WNT7B: variants seen among roughly 807,000 people sequenced by gnomAD.
WNT7B encodes the protein protein Wnt-7b.
WNT7B carries 19 observed loss-of-function variants against 38.2 expected under a neutral mutation model. That is an observed-to-expected ratio of 0.50 (90% CI 0.35 to 0.73). WNT7B has a LOEUF of 0.73. Among genes scored for constraint, WNT7B ranks in the 30% least tolerant of loss-of-function variants. The probability of loss-of-function intolerance (pLI) is 0.01; values close to 1 mark genes in which losing one functional copy is unlikely to be tolerated. For synonymous variants in WNT7B, 243 were observed against 209.3 expected, an observed-to-expected ratio of 1.16 and a Z score of -1.39; for missense variants, 423 against 507.9, an observed-to-expected ratio of 0.83 and a Z score of 1.61.
At chr22:45,938,845 T>C (rs79008793) in intron 2 of WNT7B, among the ~76,000 whole-genome samples, 1,832 of 152,330 alleles carry the variant, frequency 0.012, 51 homozygotes, top group African/African-American at 0.042. Context: ...TTGTTACACA[T>C]TGTATACATG....
intron 2 of WNT7B, among the ~76,000 whole-genome samples, chr22:45,941,509 CAA>C (rs1166391533): frequency 0.04 from 3,186 of 79,236 alleles, 132 homozygotes; most frequent in African/African-American, 0.11. Flanking sequence ...GCCTTTGTCT[CAA>C]AAAAAAAAAA....
intron 1 of WNT7B, among the ~76,000 whole-genome samples, chr22:45,973,777 C>G (rs35051352): frequency 0.57 from 87,166 of 152,062 alleles, 25,189 homozygotes; most frequent in East Asian, 0.69. Context: ...CCCCTAAGGG[C>G]ATTGTGAGGG....
chr22:45,931,347 C>G lies in WNT7B; in HGVS notation c.321G>C (p.Thr107=), dbSNP rs138303600. 8.2e-6 allele frequency: 13 copies of G among 1,592,046 alleles called. No individual in the cohort carries two copies. Among genetic ancestry groups the G allele is most frequent in the Non-Finnish European group, 1.0e-5 (12 of 1,175,268 alleles). Residue 107 remains threonine, a synonymous_variant, in exon 3 of 4, where the codon ACG becomes ACC. Coordinates refer to ENST00000339464, the MANE Select transcript of WNT7B (RefSeq NM_058238.3). ...LRVGSREAAF[T]YAITAAGVAH... ...CCACGCCAGCCGCGGTGATGGCGTA[C>G]GTGAAGGCAGCCTCACGGCTCCCTG...
rs529009201 is a variant in WNT7B, at chr22:45,945,170, A to G, written c.298+4750T>C. 3.3e-5 allele frequency among the ~76,000 whole-genome samples: 5 copies of G among 151,950 alleles called. No individual in the cohort carries two copies. The South Asian group carries it at 1.0e-3, about 32-fold the overall frequency. ...GTGATCTTGGCTCACTGCAACCTCC[A>G]CCACCCGGGTTCAAGTGATTCTCCT... On this transcript the variant is annotated intron_variant, in intron 2 of 3. Coordinates refer to ENST00000339464, the MANE Select transcript of WNT7B (RefSeq NM_058238.3).
intron 1 of WNT7B, among the ~76,000 whole-genome samples, chr22:45,956,962 T>C (rs1449353274): frequency 1.3e-5 from 2 of 152,014 alleles, no homozygotes; most frequent in Non-Finnish European, 2.9e-5. Flanking sequence ...AAAAATTAGC[T>C]GGGCGTGGTG....
intron 3 of WNT7B, among the ~76,000 whole-genome samples, chr22:45,929,685 C>CATCT (rs796446452): frequency 8.9e-6 from 1 of 111,830 alleles, no homozygotes; most frequent in Non-Finnish European, 1.9e-5. Flanking sequence ...TCCCTCCATA[C>CATCT]TTCCATCCAC....
Position 45,977,011 on chromosome 22 carries a change from C to A in WNT7B, c.-257G>T. On this transcript the variant is annotated 5_prime_UTR_variant, in exon 1 of 4. Coordinates refer to ENST00000339464, the MANE Select transcript of WNT7B (RefSeq NM_058238.3). ...GCGACCTCGAAGCCCGGTTGAGCGA[C>A]CGTGGACCCCTGCAAGCGCGGGCCG... 1.0e-6 allele frequency: 1 copy of A among 985,768 alleles called. No individual in the cohort carries two copies. The highest frequency in any genetic ancestry group is 1.2e-6 in the Non-Finnish European group (1 of 830,600). 61.1% of individuals were successfully genotyped at this position (985,768 alleles called of 1,614,324 possible).
intron 3 of WNT7B, among the ~76,000 whole-genome samples, chr22:45,929,598 A>C (rs559721647): frequency 7.1e-6 from 1 of 139,980 alleles, no homozygotes; most frequent in African/African-American, 2.8e-5. Flanking sequence ...CCATTCATGC[A>C]TCCATCCACC....
At chr22:45,972,108 C>CGGGGGGTGGG in intron 1 of WNT7B, 3 of 579,222 alleles carry the variant, frequency 5.2e-6, no homozygotes, top group South Asian at 1.9e-5. Context: ...GCTGGAGGCC[C>CGGGGGGTGGG]GGGGGGAGCC....
Position 45,931,126 on chromosome 22 carries a change from T to G in WNT7B, c.542A>C (p.Asn181Thr), listed in dbSNP as rs1338874002. The G allele has an allele frequency of 1.3e-6, 2 of 1,590,854 alleles. No individual in the cohort carries two copies. Among genetic ancestry groups the G allele is most frequent in the Admixed American group, 1.7e-5 (1 of 59,586 alleles). Residue 181 changes from asparagine (N) to threonine (T), a missense_variant, in exon 3 of 4, where the codon AAC becomes ACC. Physicochemically the swap from Asn to Thr is moderately conservative, Grantham distance 65. Transcript: ENST00000339464. ...CCTGCCGGCCTCATTGTTATGCAGGTTCATGAGGCGCCGCGCGTTCTTCTT... is the reference window on the plus strand; with the variant it reads ...CCTGCCGGCCTCATTGTTATGCAGGGTCATGAGGCGCCGCGCGTTCTTCTT... Reference protein sequence around the residue: ...EIKKNARRLMNLHNNEAGRKV... With the variant: ...EIKKNARRLMTLHNNEAGRKV...
At position 45,922,815 on chromosome 22, in the gene WNT7B, G is replaced by T. The variant is rs774558955; in HGVS notation, c.*41C>A. ...GTGAGGAGTGGATGTGCAAAATGCCGCCGGGTTCCAGGGTGCCCGCGGCCG... is the reference window on the plus strand; with the variant it reads ...GTGAGGAGTGGATGTGCAAAATGCCTCCGGGTTCCAGGGTGCCCGCGGCCG... On this transcript the variant is annotated 3_prime_UTR_variant, in exon 4 of 4. Transcript: ENST00000339464. 3 of 1,560,094 alleles carry T rather than the reference G, an allele frequency of 1.9e-6. No individual in the cohort carries two copies. The highest frequency in any genetic ancestry group is 1.7e-6 in the Non-Finnish European group (2 of 1,150,026).
intron 3 of WNT7B, among the ~76,000 whole-genome samples, chr22:45,928,743 C>A (rs936393527): frequency 2.0e-5 from 3 of 152,188 alleles, no homozygotes; most frequent in Admixed American, 6.5e-5. Flanking sequence ...AAATCAGACA[C>A]AACCCTGGTC....
intron 1 of WNT7B, chr22:45,972,232 A>C: frequency 1.6e-6 from 1 of 644,442 alleles, no homozygotes; most frequent in South Asian, 1.6e-5. Context: ...GCGACAGTAG[A>C]AGCATGGTGG....
intron 1 of WNT7B, among the ~76,000 whole-genome samples, chr22:45,969,232 G>A (rs1228884125): frequency 1.3e-5 from 2 of 152,208 alleles, no homozygotes; most frequent in East Asian, 1.9e-4. Context: ...CCAGGTGGTC[G>A]GTGAGTAACC....
intron 1 of WNT7B, chr22:45,972,140 G>A: frequency 7.9e-6 from 2 of 251,900 alleles, no homozygotes; most frequent in South Asian, 3.0e-5. Flanking sequence ...CCCGCACGCC[G>A]CCCGCGGCAC....
chr22:45,956,498 C>T (rs555842975), intron 1 of WNT7B, among the ~76,000 whole-genome samples: 12 of 152,314 alleles, frequency 7.9e-5, no homozygotes, highest in South Asian at 2.1e-4. Flanking sequence ...ACTGGGTATC[C>T]GCGTCAGCCA....
Position 45,946,643 on chromosome 22 carries a change from G to T in WNT7B, c.298+3277C>A, listed in dbSNP as rs189061241. 7.0e-3 allele frequency among the ~76,000 whole-genome samples: 1,064 copies of T among 152,342 alleles called. 7 individuals carry two copies. Among genetic ancestry groups the T allele is most frequent in the Non-Finnish European group, 0.011 (736 of 68,032 alleles). On this transcript the variant is annotated intron_variant, in intron 2 of 3. Transcript: ENST00000339464. Reference sequence around the variant, plus strand: ...CAGGCACGAGGGGGACCACAGCAGTGGAGGGGGGCCTAGTGTGAGCCTTGA... The same window carrying T: ...CAGGCACGAGGGGGACCACAGCAGTTGAGGGGGGCCTAGTGTGAGCCTTGA...
intron 1 of WNT7B, among the ~76,000 whole-genome samples, chr22:45,953,617 C>T (rs1056969123): frequency 7.2e-5 from 11 of 151,912 alleles, no homozygotes; most frequent in African/African-American, 2.7e-4. Flanking sequence ...ATATACGCAC[C>T]GCCAACAAGC....
At chr22:45,929,691 TCCAC>T (rs1931248028) in intron 3 of WNT7B, among the ~76,000 whole-genome samples, 2 of 127,746 alleles carry the variant, frequency 1.6e-5, no homozygotes, top group African/African-American at 6.6e-5. Context: ...CATACTTCCA[TCCAC>T]CCATCTTTCC....
Sources: gnomAD v4.1 joint callset for allele counts (sites outside exome capture counted in the v4.1 genomes callset) on GRCh38, gnomAD v4.1.1 for gene constraint, MANE v1.5 for transcripts, NCBI Gene and HGNC (gene_info 2026-07-23, HGNC 2026-07-21) for gene names.